Variants in AKT1S1 observed in about 807,000 individuals in gnomAD.
AKT1S1 encodes AKT1 substrate 1, also known as proline-rich AKT1 substrate 1.
Under a neutral mutation model 21.2 loss-of-function variants are expected in AKT1S1, and 17 were observed. The ratio of observed to expected loss-of-function variants is 0.80; its 90% CI spans 0.55 to 1.20. The LOEUF (loss-of-function observed/expected upper bound fraction) is 1.20. AKT1S1 is among the 50% of genes most tolerant of loss of function. The pLI is 0.00. For synonymous variants in AKT1S1, 181 were observed against 165.6 expected, an observed-to-expected ratio of 1.09 and a Z score of -0.72; for missense variants, 366 against 368.3, an observed-to-expected ratio of 0.99 and a Z score of 0.05.
intron 1 of AKT1S1, among the ~76,000 whole-genome samples, chr19:49,875,642 G>A (rs1183425992): frequency 6.6e-6 from 1 of 152,220 alleles, no homozygotes. Context: ...AGAAGAGGGG[G>A]AGAGGAGGTC....
chr19:49,871,685 G>T lies in AKT1S1; in HGVS notation c.489C>A (p.Gly163=). 6.2e-7 allele frequency: 1 copy of T among 1,613,156 alleles called. No homozygotes were observed. The highest frequency in any genetic ancestry group is 8.5e-7 in the Non-Finnish European group (1 of 1,179,576). Residue 163 remains glycine (G), a synonymous_variant, in exon 4 of 5, where the codon GGC becomes GGA. Coordinates refer to ENST00000344175, the MANE Select transcript of AKT1S1 (RefSeq NM_001098633.4). ...CTGGGGGCACTGAGCAGGTGGGGGGGCCGGCGGGGGTCTCCTCGCTCAGGC... is the reference window on the plus strand; with the variant it reads ...CTGGGGGCACTGAGCAGGTGGGGGGTCCGGCGGGGGTCTCCTCGCTCAGGC... ...DGSLSEETPA[G]PPTCSVPPAS...
upstream of AKT1S1, chr19:49,877,959 C>G (rs2074971753): frequency 2.8e-6 from 2 of 725,608 alleles, no homozygotes; most frequent in Admixed American, 2.9e-5. Flanking sequence ...TGAGCCCTGC[C>G]CCCTGTGGAA....
chr19:49,876,540 C>T, intron 1 of AKT1S1: 2 of 1,464,366 alleles, frequency 1.4e-6, no homozygotes, highest in Middle Eastern at 1.8e-4. Context: ...CTCCCAGCGC[C>T]CCGCTGCCTC....
chr19:49,870,138 C>T, intron 4 of AKT1S1, 78 bp from the exon 5 acceptor site: 2 of 1,330,278 alleles, frequency 1.5e-6, no homozygotes, highest in Non-Finnish European at 9.7e-7. Context: ...AGGGGTGCAC[C>T]CGGGCTCCAA....
chr19:49,873,188 C>T lies in AKT1S1; in HGVS notation c.108G>A (p.Pro36=), dbSNP rs777735511. ...TELVLLTAAP[P]PPPRPGPCAY... ...CACAGGGGCCCGGGCGGGGTGGTGG[C>T]GGCGGGGCCGCGGTCAGCAGCACCA... is the stretch of plus-strand genomic sequence containing the variant. Residue 36 remains proline, a synonymous_variant, in exon 2 of 5, where the codon CCG becomes CCA. Coordinates refer to ENST00000344175, the MANE Select transcript of AKT1S1 (RefSeq NM_001098633.4). This position sits in a 1 kb window ranked among gnomAD's most constrained non-coding sequence, Gnocchi z 6.9. 7.9e-5 allele frequency: 121 copies of T among 1,528,828 alleles called. No individual in the cohort carries two copies. The highest frequency in any genetic ancestry group is 2.6e-4 in the Admixed American group (13 of 50,108). 94.7% of individuals were successfully genotyped at this position (1,528,828 alleles called of 1,614,324 possible). A position where few individuals can be genotyped will look rare whatever the true frequency, so the allele number is the denominator to read the frequency against.
chr19:49,870,715 A>G (rs1364073006), intron 4 of AKT1S1, among the ~76,000 whole-genome samples: 1 of 152,168 alleles, frequency 6.6e-6, no homozygotes, highest in Non-Finnish European at 1.5e-5. Context: ...ACTGGACCTG[A>G]GCCCAGTGGG....
upstream of AKT1S1, chr19:49,877,391 G>A (rs2074961807): frequency 1.0e-5 from 4 of 395,704 alleles, no homozygotes; most frequent in Admixed American, 4.4e-5. Context: ...ACAATATGGA[G>A]AAGGAAGTGG....
At chr19:49,877,700 G>T (rs1316712220), upstream of AKT1S1, 1 of 1,599,802 alleles carries the variant, frequency 6.3e-7, no homozygotes, top group East Asian at 2.3e-5. Flanking sequence ...AGGAGGCGGG[G>T]CAGTGGGGCC....
intron 4 of AKT1S1, 69 bp downstream of exon 4, chr19:49,871,478 G>A (rs1195139526): frequency 3.8e-6 from 6 of 1,593,810 alleles, no homozygotes; most frequent in Non-Finnish European, 5.1e-6. Flanking sequence ...CATGCTGGAG[G>A]GCTTCCTGGA....
Position 49,873,123 on chromosome 19 carries a change from G to T in AKT1S1, c.173C>A (p.Ala58Glu). 6.5e-7 allele frequency: 1 copy of T among 1,541,900 alleles called. No homozygotes were observed. The highest frequency in any genetic ancestry group is 8.7e-7 in the Non-Finnish European group (1 of 1,148,498). The change falls in exon 2 of 5, where the codon GCG (alanine) becomes GAG (glutamate). Residue 58 changes from alanine (A) to glutamate (E), a missense_variant. Physicochemically the swap from Ala to Glu is moderately radical, Grantham distance 107. Coordinates refer to ENST00000344175, the MANE Select transcript of AKT1S1 (RefSeq NM_001098633.4). The surrounding 1 kb of genome is among the most constrained non-coding windows in gnomAD (Gnocchi z 6.9). Reference sequence around the variant, plus strand: ...TGCGATGTCGTGGAGGCAACGGCGCGCTGCCTCCGCCAGGGCTCCTCGACC... The same window carrying T: ...TGCGATGTCGTGGAGGCAACGGCGCTCTGCCTCCGCCAGGGCTCCTCGACC... ...AHGRGALAEAARRCLHDIALA... is the reference protein window; with the variant it reads ...AHGRGALAEAERRCLHDIALA...
Position 49,873,374 on chromosome 19 carries a change from C to T in AKT1S1, c.-7-72G>A, listed in dbSNP as rs1204595823. On this transcript the variant is annotated intron_variant, in intron 1 of 4. Transcript: ENST00000344175. The surrounding 1 kb of genome is among the most constrained non-coding windows in gnomAD (Gnocchi z 6.9). ...ATCATCGCCACCCACTCAGAGTGCC[C>T]GCCCGTCCCCTGGATGGCACTCACC... 3.6e-6 allele frequency: 5 copies of T among 1,377,684 alleles called. No individual in the cohort carries two copies. The highest frequency in any genetic ancestry group is 3.0e-5 in the East Asian group (1 of 32,892). The allele number at this position is 1,377,684 out of a possible 1,614,324, so 85.3% of individuals were successfully genotyped here.
rs1298831164 is a variant in AKT1S1 at position 49,872,913 on chromosome 19, T to C, written c.379+4A>G. On this transcript the variant is annotated splice_donor_region_variant and intron_variant, in intron 2 of 4. Transcript: ENST00000344175. ...CGCACCCGCCCCTGCCCCCACCCTC[T>C]CACCTCCATTATCACTAATGCCCAG... is the stretch of plus-strand genomic sequence containing the variant. 2 of 1,495,320 alleles carry C rather than the reference T, an allele frequency of 1.3e-6. No homozygotes were observed. Among genetic ancestry groups the C allele is most frequent in the South Asian group, 1.1e-5 (1 of 87,950 alleles). 92.6% of individuals were successfully genotyped at this position (1,495,320 alleles called of 1,614,324 possible). A position where few individuals can be genotyped will look rare whatever the true frequency, so the allele number is the denominator to read the frequency against.
chr19:49,876,358 G>A, intron 1 of AKT1S1: 1 of 1,198,798 alleles, frequency 8.3e-7, no homozygotes, highest in African/African-American at 1.6e-5. Flanking sequence ...CCACGGCCCA[G>A]GTAGAGATCC....
upstream of AKT1S1, chr19:49,877,733 G>T: frequency 1.9e-6 from 3 of 1,598,950 alleles, no homozygotes; most frequent in Non-Finnish European, 2.6e-6. Flanking sequence ...TATGGAAGGA[G>T]CCGGCTACAG....
intron 2 of AKT1S1, 76 bp downstream of exon 2, chr19:49,872,841 G>T: frequency 2.0e-6 from 3 of 1,490,044 alleles, no homozygotes; most frequent in Non-Finnish European, 2.7e-6. Flanking sequence ...GGGCTAAGCA[G>T]GCCCCCACCC....
chr19:49,874,809 A>G (rs2074922628), intron 1 of AKT1S1: 1 of 152,264 alleles, frequency 6.6e-6, no homozygotes, highest in Non-Finnish European at 1.5e-5. Flanking sequence ...CACTGCACGG[A>G]TTCAGGCACA....
rs2074862946 is a variant in AKT1S1 at position 49,869,854 on chromosome 19, A to C, written c.*63T>G. The C allele has an allele frequency of 1.5e-6, 2 of 1,366,592 alleles. No individual in the cohort carries two copies. The highest frequency in any genetic ancestry group is 3.1e-5 in the Admixed American group (1 of 32,654). The allele number at this position is 1,366,592 out of a possible 1,614,324, so 84.7% of individuals were successfully genotyped here. ...CGGCCTCAGATTAGCAGGCCCCGGG[A>C]GTGGGGCGGGGGCGTAGTGTGGGAC... On this transcript the variant is annotated 3_prime_UTR_variant, in exon 5 of 5. Coordinates refer to ENST00000344175, the MANE Select transcript of AKT1S1 (RefSeq NM_001098633.4).
At chr19:49,872,847 C>T in intron 2 of AKT1S1, 70 bp downstream of exon 2, 4 of 1,512,486 alleles carry the variant, frequency 2.6e-6, no homozygotes, top group Admixed American at 1.9e-5. Flanking sequence ...AGCAGGCCCC[C>T]ACCCCGACAA....
chr19:49,872,537 A>C (rs1188694063), intron 2 of AKT1S1, among the ~76,000 whole-genome samples: 1 of 151,656 alleles, frequency 6.6e-6, no homozygotes, highest in Non-Finnish European at 1.5e-5. Context: ...CAACTCTTTA[A>C]CTCCTGCTTG....
Sources: gnomAD v4.1 joint callset for allele counts (sites outside exome capture counted in the v4.1 genomes callset) on GRCh38, gnomAD v4.1.1 for gene constraint, Gnocchi (gnomAD v3.1) non-coding constraint, MANE v1.5 for transcripts, NCBI Gene and HGNC (gene_info 2026-07-23, HGNC 2026-07-21) for gene names.